PRELID2: variants seen among roughly 807,000 people sequenced by gnomAD.
PRELID2 encodes PRELI domain containing 2.
PRELID2 carries 25 observed loss-of-function variants against 28.4 expected under a neutral mutation model. That is an observed-to-expected ratio of 0.88 (90% confidence interval 0.64 to 1.23). The LOEUF is 1.23. Ranked by LOEUF, PRELID2 falls within the 50% of genes most tolerant of loss-of-function variation. PRELID2 has a pLI of 0.00. For synonymous variants in PRELID2, 76 were observed against 71.6 expected (o/e 1.06, Z -0.31); for missense variants, 201 against 214.4 (o/e 0.94, Z 0.39).
At chr5:145,425,156 A>C in the PRELID2 span, among the ~76,000 whole-genome samples, 1 of 152,238 alleles carries the variant, frequency 6.6e-6, no homozygotes, top group Non-Finnish European at 1.5e-5. Context: ...ACATGAAAAA[A>C]TGCTCAGCAT....
chr5:145,256,411 T>C, the PRELID2 span, among the ~76,000 whole-genome samples: 41 of 152,090 alleles, frequency 2.7e-4, no homozygotes, highest in Non-Finnish European at 5.4e-4. Flanking sequence ...TTTCTATTGA[T>C]TATTTTCTGT....
At chr5:145,426,903 T>A in the PRELID2 span, among the ~76,000 whole-genome samples, 6 of 152,204 alleles carry the variant, frequency 3.9e-5, no homozygotes, top group South Asian at 1.2e-3. Context: ...TGAGATGGTC[T>A]TGTAGGATCC....
the PRELID2 span, among the ~76,000 whole-genome samples, chr5:145,238,748 A>G: frequency 6.6e-6 from 1 of 152,044 alleles, no homozygotes; most frequent in Non-Finnish European, 1.5e-5. Context: ...ACCTCATATT[A>G]CCACAATCCA....
the PRELID2 span, among the ~76,000 whole-genome samples, chr5:145,448,089 CA>C: frequency 6.6e-6 from 1 of 152,130 alleles, no homozygotes; most frequent in Admixed American, 6.5e-5. Context: ...GTCCCATCAA[CA>C]GTGTAAAAGT....
At chr5:145,287,237 T>C in the PRELID2 span, among the ~76,000 whole-genome samples, 1 of 152,146 alleles carries the variant, frequency 6.6e-6, no homozygotes, top group Non-Finnish European at 1.5e-5. Flanking sequence ...TACATAGCTA[T>C]GATAAAGTTT....
intron 1 of PRELID2, among the ~76,000 whole-genome samples, chr5:145,653,232 G>A (rs2149672560): frequency 6.6e-6 from 1 of 152,262 alleles, no homozygotes; most frequent in Non-Finnish European, 1.5e-5. Context: ...CAATACAGGA[G>A]CACCCAGATT....
the PRELID2 span, among the ~76,000 whole-genome samples, chr5:145,405,316 T>C: frequency 6.6e-6 from 1 of 152,184 alleles, no homozygotes; most frequent in Non-Finnish European, 1.5e-5. Flanking sequence ...TAAACTCACC[T>C]GGTAATCTGG....
chr5:145,386,167 G>T, the PRELID2 span, among the ~76,000 whole-genome samples: 2 of 152,044 alleles, frequency 1.3e-5, no homozygotes, highest in Admixed American at 6.6e-5. Flanking sequence ...TCTTCACGTG[G>T]TGGCAGCAAG....
intron 1 of PRELID2, among the ~76,000 whole-genome samples, chr5:145,680,485 T>C (rs536704810): frequency 1.5e-4 from 23 of 152,326 alleles, no homozygotes; most frequent in Non-Finnish European, 2.8e-4. Flanking sequence ...TGGGATCCAG[T>C]GTGAATTTCT....
the PRELID2 span, among the ~76,000 whole-genome samples, chr5:145,314,719 G>A: frequency 5.3e-5 from 8 of 151,850 alleles, no homozygotes; most frequent in Non-Finnish European, 1.2e-4. Context: ...AAGTTGCCAG[G>A]TCATCCCTGG....
At chr5:145,394,217 T>G in the PRELID2 span, among the ~76,000 whole-genome samples, 13 of 152,054 alleles carry the variant, frequency 8.5e-5, no homozygotes, top group South Asian at 2.1e-4. Context: ...TTAAGAAAAT[T>G]TGGCACATAT....
At chr5:145,433,356 T>C in the PRELID2 span, among the ~76,000 whole-genome samples, 6 of 152,240 alleles carry the variant, frequency 3.9e-5, no homozygotes, top group Non-Finnish European at 8.8e-5. Context: ...AAATTCACCT[T>C]TGCTACCCAG....
intron 1 of PRELID2, among the ~76,000 whole-genome samples, chr5:145,548,674 C>A (rs1279983527): frequency 1.3e-5 from 2 of 152,136 alleles, no homozygotes; most frequent in African/African-American, 4.8e-5. Flanking sequence ...CCAGGCCATG[C>A]CTTCACTATC....
At chr5:145,508,667 C>T (rs753576934) in intron 1 of PRELID2, among the ~76,000 whole-genome samples, 5 of 152,116 alleles carry the variant, frequency 3.3e-5, no homozygotes, top group Non-Finnish European at 7.3e-5. Flanking sequence ...TGCTCATGGT[C>T]CTGACTCACT....
At chr5:145,321,762 T>C in the PRELID2 span, among the ~76,000 whole-genome samples, 1 of 152,218 alleles carries the variant, frequency 6.6e-6, no homozygotes, top group Non-Finnish European at 1.5e-5. Context: ...AATACAAAAC[T>C]ATCTTTGTGC....
At chr5:145,777,001 G>A (rs1331802604) in intron 5 of PRELID2, among the ~76,000 whole-genome samples, 3 of 152,182 alleles carry the variant, frequency 2.0e-5, no homozygotes, top group African/African-American at 7.2e-5. Context: ...CTGCAAGGGT[G>A]GGATTGTTTT....
chr5:145,754,761 A>G (rs1757212949), downstream of PRELID2, among the ~76,000 whole-genome samples: 1 of 152,208 alleles, frequency 6.6e-6, no homozygotes, highest in African/African-American at 2.4e-5. Flanking sequence ...TGCATAGCTC[A>G]TTTTAAGAAG....
intron 1 of PRELID2, among the ~76,000 whole-genome samples, chr5:145,593,112 A>G (rs999956099): frequency 2.0e-5 from 3 of 152,218 alleles, no homozygotes. Context: ...TAAAATAAAA[A>G]GACTGTAGTC....
chr5:145,512,666 C>T (rs1580963726), intron 1 of PRELID2, among the ~76,000 whole-genome samples: 2 of 152,190 alleles, frequency 1.3e-5, no homozygotes, highest in African/African-American at 4.8e-5. Flanking sequence ...CAAGTGGGTC[C>T]CTGACCCCAT....
Sources: gnomAD v4.1 joint callset for allele counts (sites outside exome capture counted in the v4.1 genomes callset) on GRCh38, gnomAD v4.1.1 for gene constraint, MANE v1.5 for transcripts, NCBI Gene and HGNC (gene_info 2026-07-23, HGNC 2026-07-21) for gene names.